Variants in ROBO1 observed in about 807,000 individuals in gnomAD.
The protein encoded by ROBO1 is roundabout guidance receptor 1.
In ROBO1, 149 loss-of-function variants were observed where a neutral mutation model predicts 195.9. That is an observed-to-expected ratio of 0.76 (90% CI 0.67 to 0.87). The LOEUF (loss-of-function observed/expected upper bound fraction) is 0.87, where lower values mean the gene tolerates loss of function less well. ROBO1 is among the 40% of genes least tolerant of loss of function. ROBO1 has a pLI of 0.00. For missense variants in ROBO1, 1,933 were observed against 2,068.3 expected, an observed-to-expected ratio of 0.93 and a Z score of 1.27; for synonymous variants, 816 against 733.2, an observed-to-expected ratio of 1.11 and a Z score of -1.82.
At chr3:79,116,081 G>T (rs188992773) in intron 3 of ROBO1, among the ~76,000 whole-genome samples, 1 of 152,210 alleles carries the variant, frequency 6.6e-6, no homozygotes, top group Admixed American at 6.5e-5. Flanking sequence ...TACATTGCTT[G>T]TCTAGTAGTG....
intron 2 of ROBO1, among the ~76,000 whole-genome samples, chr3:79,560,622 A>G (rs529727817): frequency 6.2e-4 from 93 of 149,680 alleles, no homozygotes; most frequent in Admixed American, 4.0e-4. Context: ...GTGACAGTCA[A>G]TTAGTCATCC....
intron 2 of ROBO1, among the ~76,000 whole-genome samples, chr3:79,168,825 CA>C (rs1365270284): frequency 6.6e-6 from 1 of 152,084 alleles, no homozygotes; most frequent in Non-Finnish European, 1.5e-5. Flanking sequence ...GAAAATGCAT[CA>C]CTATTATTTA....
At chr3:79,246,460 C>A (rs2082625901) in intron 2 of ROBO1, among the ~76,000 whole-genome samples, 1 of 152,080 alleles carries the variant, frequency 6.6e-6, no homozygotes, top group African/African-American at 2.4e-5. Flanking sequence ...AATAGTGAAG[C>A]AAATCTTACC....
chr3:78,620,883 ATG>A (rs199578004), intron 26 of ROBO1, among the ~76,000 whole-genome samples: 344 of 144,666 alleles, frequency 2.4e-3, no homozygotes, highest in African/African-American at 7.5e-3. Context: ...ATATATATAT[ATG>A]TGTGTGTGTG....
At chr3:79,008,780 C>T (rs2077690926) in intron 3 of ROBO1, among the ~76,000 whole-genome samples, 1 of 140,964 alleles carries the variant, frequency 7.1e-6, no homozygotes, top group Non-Finnish European at 1.5e-5. Flanking sequence ...TTTTCTGTAG[C>T]ATCTCATTAT....
intron 3 of ROBO1, among the ~76,000 whole-genome samples, chr3:78,963,208 G>T (rs1560055706): frequency 1.3e-5 from 2 of 151,924 alleles, no homozygotes; most frequent in Admixed American, 1.3e-4. Context: ...TTGGTATTTA[G>T]AAAGATTAGA....
intron 2 of ROBO1, among the ~76,000 whole-genome samples, chr3:79,254,705 T>C (rs1334622128): frequency 1.3e-5 from 2 of 152,178 alleles, no homozygotes; most frequent in East Asian, 3.9e-4. Flanking sequence ...CCAGCTCTCC[T>C]GTTAGCTATG....
At chr3:78,763,795 C>T (rs922479075) in intron 4 of ROBO1, among the ~76,000 whole-genome samples, 1 of 152,162 alleles carries the variant, frequency 6.6e-6, no homozygotes, top group African/African-American at 2.4e-5. Flanking sequence ...CCAATCCATT[C>T]CCGAGTTTTA....
chr3:79,113,784 TA>T (rs1305843686), intron 3 of ROBO1, among the ~76,000 whole-genome samples: 3 of 152,236 alleles, frequency 2.0e-5, no homozygotes, highest in Admixed American at 6.6e-5. Flanking sequence ...AAGTCAATTT[TA>T]AAGACTTGAA....
intron 4 of ROBO1, among the ~76,000 whole-genome samples, chr3:78,830,145 C>T (rs957289389): frequency 1.3e-5 from 2 of 152,130 alleles, no homozygotes; most frequent in African/African-American, 2.4e-5. Context: ...AGTCATGCAG[C>T]CAGTCTCGTT....
chr3:79,090,400 T>G (rs1173329479), intron 3 of ROBO1, among the ~76,000 whole-genome samples: 1 of 152,074 alleles, frequency 6.6e-6, no homozygotes, highest in Non-Finnish European at 1.5e-5. Flanking sequence ...ACTTTTGTTG[T>G]TTTAGAAGTG....
intron 1 of ROBO1, among the ~76,000 whole-genome samples, chr3:79,615,261 G>A (rs1273188003): frequency 2.6e-5 from 4 of 152,066 alleles, no homozygotes; most frequent in Admixed American, 1.3e-4. Flanking sequence ...AACTTCTATT[G>A]ATTCCAGGTC....
intron 2 of ROBO1, among the ~76,000 whole-genome samples, chr3:79,495,440 A>G (rs890405823): frequency 6.6e-6 from 1 of 152,204 alleles, no homozygotes. Flanking sequence ...AAATGAAAAT[A>G]AATGTTTCAA....
chr3:79,138,596 T>C (rs1020469822), intron 2 of ROBO1, among the ~76,000 whole-genome samples: 10 of 152,036 alleles, frequency 6.6e-5, no homozygotes, highest in African/African-American at 2.4e-4. Context: ...AAATAGAATC[T>C]TATTTAACTT....
chr3:79,668,665 T>TACAC (rs112377466), intron 1 of ROBO1, among the ~76,000 whole-genome samples: 1,748 of 151,108 alleles, frequency 0.012, 30 homozygotes, highest in African/African-American at 0.04. Flanking sequence ...CTAAGCAATT[T>TACAC]ACACACACAC....
intron 27 of ROBO1, 45 bp downstream of exon 27, chr3:78,617,590 C>T (rs749219674): frequency 1.9e-6 from 3 of 1,546,336 alleles, no homozygotes; most frequent in East Asian, 2.3e-5. Flanking sequence ...AACATATATA[C>T]ATTGAGTTTT....
intron 8 of ROBO1, among the ~76,000 whole-genome samples, chr3:78,708,100 T>C (rs1475428814): frequency 6.6e-6 from 1 of 152,176 alleles, no homozygotes; most frequent in Non-Finnish European, 1.5e-5. Context: ...CTGCTTTATC[T>C]GTGAAGTTAC....
intron 2 of ROBO1, among the ~76,000 whole-genome samples, chr3:79,218,715 C>T (rs562212771): frequency 2.4e-4 from 37 of 151,984 alleles, no homozygotes; most frequent in Non-Finnish European, 4.3e-4. Context: ...AAGAGACTCC[C>T]TCGAGTCCCA....
chr3:79,327,791 A>G (rs1559820701), intron 2 of ROBO1, among the ~76,000 whole-genome samples: 1 of 152,254 alleles, frequency 6.6e-6, no homozygotes, highest in East Asian at 1.9e-4. Context: ...TTCTTTGGGA[A>G]TGATGCATAT....
Sources: allele counts gnomAD v4.1 joint callset (sites outside exome capture counted in the v4.1 genomes callset), GRCh38; gene constraint gnomAD v4.1.1; transcripts MANE v1.5; gene names NCBI Gene and HGNC (gene_info 2026-07-23, HGNC 2026-07-21).